The following LSP1 variants were observed in gnomAD, a reference collection of about 807,000 sequenced individuals.
LSP1 encodes lymphocyte-specific protein 1.
A neutral mutation model predicts 49.3 loss-of-function variants in LSP1; 32 were observed. The observed-to-expected ratio is 0.65, with a 90% confidence interval of 0.49 to 0.87. The LOEUF (loss-of-function observed/expected upper bound fraction) is 0.87, where lower values mean the gene tolerates loss of function less well. LSP1 is among the 40% of genes least tolerant of loss of function. The pLI is 0.00. For missense variants in LSP1, 428 were observed against 442.6 expected (o/e 0.97, Z 0.30); for synonymous variants, 179 against 178.8 (o/e 1.00, Z -0.01).
chr11:1,862,720 T>A (rs889077097), intron 1 of LSP1, among the ~76,000 whole-genome samples: 5 of 149,202 alleles, frequency 3.4e-5, no homozygotes, highest in African/African-American at 1.0e-4. Flanking sequence ...CTCCCCTGGG[T>A]GACCTCACCT....
chr11:1,861,465 TAGAC>T (rs1331841261), intron 1 of LSP1, among the ~76,000 whole-genome samples: 4 of 152,282 alleles, frequency 2.6e-5, no homozygotes, highest in Non-Finnish European at 4.4e-5. Context: ...GACAGATGGA[TAGAC>T]AGATGGATGA....
At chr11:1,856,878 C>T (rs1191596457) in intron 1 of LSP1, among the ~76,000 whole-genome samples, 1 of 152,220 alleles carries the variant, frequency 6.6e-6, no homozygotes, top group African/African-American at 2.4e-5. Context: ...CCCACGACTG[C>T]TCAGGAAAGA....
intron 1 of LSP1, chr11:1,869,052 C>T (rs1309920449): frequency 1.0e-6 from 1 of 975,134 alleles, no homozygotes; most frequent in Non-Finnish European, 1.2e-6. Flanking sequence ...CAAGTGGGAG[C>T]TTGTGGGAGA....
In LSP1 at chr11:1,881,345, C is replaced by T. The variant is rs573149388; in HGVS notation, c.192-87C>T. The stretch of plus-strand genomic sequence containing the variant: ...GGTCTCCCACACTTGGAGTCCAGGG[C>T]CTGAGCGGGCGCCGTGAGGTGAGTG... On this transcript the variant is annotated intron_variant, in intron 2 of 10. Coordinates refer to ENST00000311604, the MANE Select transcript of LSP1 (RefSeq NM_002339.3). 7.6e-6 allele frequency: 10 copies of T among 1,323,950 alleles called. No homozygotes were observed. In the African/African-American group the frequency reaches 1.2e-4, roughly 16 times the overall value. 82.0% of individuals were successfully genotyped at this position (1,323,950 alleles called of 1,614,324 possible).
At chr11:1,861,104 T>G (rs184183670) in intron 1 of LSP1, among the ~76,000 whole-genome samples, 14 of 152,372 alleles carry the variant, frequency 9.2e-5, no homozygotes, top group African/African-American at 3.1e-4. Flanking sequence ...TTTTGCACTC[T>G]CTTCCAGGAA....
intron 1 of LSP1, among the ~76,000 whole-genome samples, chr11:1,859,889 G>A (rs1442430003): frequency 6.6e-6 from 1 of 152,126 alleles, no homozygotes; most frequent in Non-Finnish European, 1.5e-5. Context: ...GGATCACTCG[G>A]GAGCCAATGA....
At chr11:1,860,069 T>C (rs1269167305) in intron 1 of LSP1, among the ~76,000 whole-genome samples, 1 of 152,202 alleles carries the variant, frequency 6.6e-6, no homozygotes, top group Non-Finnish European at 1.5e-5. Flanking sequence ...TAGGCTCTAT[T>C]GAGGTGTTCA....
chr11:1,864,011 G>A (rs1465996061), intron 1 of LSP1, among the ~76,000 whole-genome samples: 1 of 141,042 alleles, frequency 7.1e-6, no homozygotes, highest in South Asian at 2.5e-4. Flanking sequence ...CAGAGGCCGG[G>A]AATGAACAAA....
At chr11:1,866,067 C>A (rs540646743) in intron 1 of LSP1, among the ~76,000 whole-genome samples, 82 of 152,170 alleles carry the variant, frequency 5.4e-4, no homozygotes, top group African/African-American at 1.9e-3. Context: ...TCCTCAAGAC[C>A]CAGCCTGGGC....
At chr11:1,859,498 G>A (rs984448053) in intron 1 of LSP1, 4 of 154,592 alleles carry the variant, frequency 2.6e-5, no homozygotes, top group Non-Finnish European at 5.9e-5. Flanking sequence ...TGGTTTCTGA[G>A]GCAAGGCTGC....
At chr11:1,889,691 C>T (rs548345797) in intron 10 of LSP1, 172 of 638,042 alleles carry the variant, frequency 2.7e-4, no homozygotes, top group African/African-American at 1.9e-3. Context: ...GGCCAGCCAT[C>T]GGGGGCTCCT....
At chr11:1,882,259 G>A (rs1565085790) in intron 3 of LSP1, among the ~76,000 whole-genome samples, 1 of 152,076 alleles carries the variant, frequency 6.6e-6, no homozygotes, top group Non-Finnish European at 1.5e-5. Flanking sequence ...GCCCTGCAGG[G>A]CCTGGGCCAT....
intron 10 of LSP1, among the ~76,000 whole-genome samples, chr11:1,888,110 T>C (rs866590594): frequency 1.3e-5 from 2 of 152,256 alleles, no homozygotes; most frequent in South Asian, 2.1e-4. Context: ...ATTAGTGACC[T>C]GGGCCCCAGG....
intron 3 of LSP1, among the ~76,000 whole-genome samples, chr11:1,883,106 C>T (rs1848614515): frequency 6.6e-6 from 1 of 152,242 alleles, no homozygotes; most frequent in Non-Finnish European, 1.5e-5. Context: ...CAAGCTGAGG[C>T]CCAGCCACAA....
At chr11:1,890,827 T>C in intron 10 of LSP1, 1 of 565,386 alleles carries the variant, frequency 1.8e-6, no homozygotes, top group Non-Finnish European at 3.2e-6. Context: ...GCCGAGTCCC[T>C]CCAGGGATGG....
chr11:1,876,626 T>C, intron 1 of LSP1: 1 of 985,318 alleles, frequency 1.0e-6, no homozygotes, highest in Non-Finnish European at 1.2e-6. Flanking sequence ...TCTGCAAGTG[T>C]CTGCAGGGGG....
chr11:1,882,051 G>A (rs1216391624), intron 3 of LSP1, among the ~76,000 whole-genome samples: 1 of 152,172 alleles, frequency 6.6e-6, no homozygotes, highest in East Asian at 1.9e-4. Flanking sequence ...CCATTCCCAC[G>A]GAGGGGAGCA....
At chr11:1,869,574 G>A (rs1847906994) in intron 1 of LSP1, 1 of 461,234 alleles carries the variant, frequency 2.2e-6, no homozygotes, top group African/African-American at 2.0e-5. Context: ...AGGTGTGGGA[G>A]GAGGGGTCTC....
intron 1 of LSP1, chr11:1,865,356 C>A: frequency 4.2e-6 from 2 of 476,778 alleles, no homozygotes; most frequent in Non-Finnish European, 5.5e-6. Flanking sequence ...CTCCCCCCAG[C>A]TTCGGTAGGC....
Sources: gnomAD v4.1 joint callset for allele counts (sites outside exome capture counted in the v4.1 genomes callset) on GRCh38, gnomAD v4.1.1 for gene constraint, MANE v1.5 for transcripts, NCBI Gene and HGNC (gene_info 2026-07-23, HGNC 2026-07-21) for gene names.